TIMP3: variants seen among roughly 807,000 people sequenced by gnomAD.
TIMP3 encodes metalloproteinase inhibitor 3.
In TIMP3, 11 loss-of-function variants were observed where a neutral mutation model predicts 30.0. The observed-to-expected ratio is 0.37, with a 90% confidence interval of 0.23 to 0.61. The LOEUF is 0.61. Among genes scored for constraint, TIMP3 ranks in the 20% least tolerant of loss-of-function variants. The pLI, the probability that TIMP3 is intolerant of heterozygous loss-of-function variation, is 0.70. For synonymous variants in TIMP3, 112 were observed against 111.3 expected (o/e 1.01, Z -0.04); for missense variants, 181 against 276.8 (o/e 0.65, Z 2.45).
At chr22:32,814,132 G>A (rs1389862756) in intron 1 of TIMP3, among the ~76,000 whole-genome samples, 1 of 138,278 alleles carries the variant, frequency 7.2e-6, no homozygotes, top group East Asian at 2.1e-4. Context: ...GTGTGTGTGT[G>A]TGTGTGTGTG....
At chr22:32,815,295 A>T (rs1376348112) in intron 1 of TIMP3, among the ~76,000 whole-genome samples, 1 of 152,228 alleles carries the variant, frequency 6.6e-6, no homozygotes, top group Non-Finnish European at 1.5e-5. Context: ...CAGGGAACCC[A>T]TGTGCGGTGA....
chr22:32,817,097 A>T (rs1382012244), intron 1 of TIMP3, among the ~76,000 whole-genome samples: 1 of 151,586 alleles, frequency 6.6e-6, no homozygotes, highest in African/African-American at 2.4e-5. Context: ...TTGGGCCTGT[A>T]GTCCCAGTTA....
At chr22:32,824,021 G>A (rs2047331719) in intron 1 of TIMP3, among the ~76,000 whole-genome samples, 1 of 152,192 alleles carries the variant, frequency 6.6e-6, no homozygotes, top group Admixed American at 6.5e-5. Context: ...ACTCACGCCT[G>A]TAATCCCAGC....
At chr22:32,854,863 CA>C (rs1460372430) in intron 2 of TIMP3, among the ~76,000 whole-genome samples, 1 of 152,118 alleles carries the variant, frequency 6.6e-6, no homozygotes, top group Non-Finnish European at 1.5e-5. Flanking sequence ...TTTAACAAGG[CA>C]GGGGCGCCCA....
At chr22:32,810,436 G>A (rs2145983207) in intron 1 of TIMP3, among the ~76,000 whole-genome samples, 1 of 151,974 alleles carries the variant, frequency 6.6e-6, no homozygotes, top group South Asian at 2.1e-4. Context: ...TGTGGGGGTG[G>A]GGAAGGGAAG....
chr22:32,815,389 GAGAT>G (rs1482886117), intron 1 of TIMP3, among the ~76,000 whole-genome samples: 11 of 152,206 alleles, frequency 7.2e-5, no homozygotes, highest in African/African-American at 2.7e-4. Context: ...CTTGGTTTAA[GAGAT>G]AGAGATGGAA....
chr22:32,858,882 C>T (rs1194539223), intron 4 of TIMP3, among the ~76,000 whole-genome samples: 2 of 152,180 alleles, frequency 1.3e-5, no homozygotes, highest in African/African-American at 4.8e-5. Context: ...CGAAAAAGTC[C>T]TCTCAGTAGT....
chr22:32,805,650 A>C (rs931092086), intron 1 of TIMP3, among the ~76,000 whole-genome samples: 4 of 101,544 alleles, frequency 3.9e-5, no homozygotes, highest in South Asian at 7.3e-4. Context: ...CAGCAACCTT[A>C]AGAGTAGGTA....
chr22:32,827,038 C>T (rs1347431019), intron 1 of TIMP3, among the ~76,000 whole-genome samples: 3 of 152,178 alleles, frequency 2.0e-5, no homozygotes, highest in Non-Finnish European at 4.4e-5. Context: ...GATTTGTTCA[C>T]TGGAATGCTG....
chr22:32,831,513 G>T (rs1049958702), intron 1 of TIMP3, among the ~76,000 whole-genome samples: 1 of 152,114 alleles, frequency 6.6e-6, no homozygotes, highest in Admixed American at 6.5e-5. Flanking sequence ...GGTCGGAGTT[G>T]GGGGGCAGTA....
intron 1 of TIMP3, among the ~76,000 whole-genome samples, chr22:32,816,050 G>A (rs1421334032): frequency 6.6e-6 from 1 of 152,154 alleles, no homozygotes; most frequent in Admixed American, 6.5e-5. Context: ...AAGCAGGCTC[G>A]TCTCCTCTGG....
At chr22:32,828,098 T>C (rs1436571220) in intron 1 of TIMP3, among the ~76,000 whole-genome samples, 1 of 152,266 alleles carries the variant, frequency 6.6e-6, no homozygotes. Flanking sequence ...GTTGGTCTTG[T>C]TCACCATCTA....
At chr22:32,825,949 G>A (rs543596380) in intron 1 of TIMP3, among the ~76,000 whole-genome samples, 2 of 152,104 alleles carry the variant, frequency 1.3e-5, no homozygotes, top group Admixed American at 1.3e-4. Context: ...TATTAGCAGG[G>A]GACGTATCCA....
chr22:32,825,699 A>ATG (rs955742619), intron 1 of TIMP3, among the ~76,000 whole-genome samples: 1 of 111,352 alleles, frequency 9.0e-6, no homozygotes, highest in Admixed American at 1.2e-4. Context: ...AAAAAAAAAG[A>ATG]TGTGTGTATG....
chr22:32,813,675 T>C (rs1346414789), intron 1 of TIMP3, among the ~76,000 whole-genome samples: 2 of 151,780 alleles, frequency 1.3e-5, no homozygotes, highest in Non-Finnish European at 2.9e-5. Flanking sequence ...TTTTTTTTTT[T>C]TGGCAAAATG....
At chr22:32,808,348 C>T (rs130274) in intron 1 of TIMP3, among the ~76,000 whole-genome samples, 33,792 of 151,996 alleles carry the variant, frequency 0.22, 4,014 homozygotes, top group East Asian at 0.34. Flanking sequence ...TTCTTGTTGC[C>T]TATGGATGGC....
intron 2 of TIMP3, among the ~76,000 whole-genome samples, chr22:32,853,216 T>G (rs2048271981): frequency 6.6e-6 from 1 of 152,220 alleles, no homozygotes; most frequent in African/African-American, 2.4e-5. Flanking sequence ...GCCTTAGGAC[T>G]CTCATCCAGC....
intron 1 of TIMP3, among the ~76,000 whole-genome samples, chr22:32,814,337 AAGAGAAAGAAAGAG>A (rs1305124234): frequency 7.7e-3 from 197 of 25,596 alleles, no homozygotes; most frequent in Non-Finnish European, 0.011. Flanking sequence ...GAAAGAAAGA[AAGAGAAAGAAAGAG>A]AGAAAGAAAG....
At chr22:32,846,698 T>C (rs1013615703) in intron 1 of TIMP3, among the ~76,000 whole-genome samples, 1 of 152,218 alleles carries the variant, frequency 6.6e-6, no homozygotes, top group African/African-American at 2.4e-5. Flanking sequence ...GGCTCTTTAA[T>C]GCAATGCTAT....
Sources: allele counts gnomAD v4.1 joint callset (sites outside exome capture counted in the v4.1 genomes callset), GRCh38; gene constraint gnomAD v4.1.1; transcripts MANE v1.5; gene names NCBI Gene and HGNC (gene_info 2026-07-23, HGNC 2026-07-21).